PDE4D: variants seen among roughly 807,000 people sequenced by gnomAD.
The protein encoded by PDE4D is phosphodiesterase 4D, also known as 3',5'-cyclic-AMP phosphodiesterase 4D.
Under a neutral mutation model 87.4 loss-of-function variants are expected in PDE4D, and 24 were observed. The observed-to-expected ratio is 0.27, with a 90% confidence interval of 0.20 to 0.39. The LOEUF (loss-of-function observed/expected upper bound fraction) is 0.39. PDE4D is among the 10% of genes least tolerant of loss of function. PDE4D has a pLI of 1.00. For missense variants in PDE4D, 714 were observed against 1,041.0 expected (o/e 0.69, Z 4.32); for synonymous variants, 384 against 383.2 (o/e 1.00, Z -0.02).
rs577930484 is a variant in PDE4D at position 59,342,417 on chromosome 5, C to T, written c.456-126449G>A. ...ATGTTGATATTTTGTGGTCTAGTGG[C>T]TCTTGAGAGAAGACAATTACCTATC... On this transcript the variant is annotated intron_variant, in intron 1 of 14. Transcript: ENST00000340635. Among the ~76,000 whole-genome samples, 21 of 152,240 alleles carry T rather than the reference C, an allele frequency of 1.4e-4. No homozygotes were observed. In the South Asian group the frequency reaches 3.9e-3, roughly 29 times the overall value.
rs148832865 is a variant in PDE4D, at chr5:60,153,475, A to G, written c.42+32082T>C. Among the ~76,000 whole-genome samples the G allele has an allele frequency of 7.1e-3, 1,089 of 152,348 alleles. 10 individuals are homozygous for G. The highest frequency in any genetic ancestry group is 0.025 in the African/African-American group (1,035 of 41,566). On this transcript the variant is annotated intron_variant, in intron 2 of 16. Coordinates refer to the PDE4D transcript ENST00000502484. ...AAAACTGTATGAAGCTTCCTCAAAA[A>G]ATTAAAAATAGAACTACCATATGAT...
At position 58,989,626 on chromosome 5, in the gene PDE4D, C is replaced by T. The variant is rs1029409691; in HGVS notation, c.1452+129G>A. The stretch of plus-strand genomic sequence containing the variant: ...TGTCTATTAACTATAGCATTTTCCC[C>T]CATAAGTCAATAAGTTATACTTCCA... On this transcript the variant is annotated intron_variant, in intron 10 of 14. Coordinates refer to ENST00000340635, the MANE Select transcript of PDE4D (RefSeq NM_001104631.2). The T allele has an allele frequency of 5.2e-6, 3 of 576,942 alleles. No individual in the cohort carries two copies. In the African/African-American group the frequency reaches 5.8e-5, roughly 11 times the overall value. The allele number at this position is 576,942 out of a possible 1,614,324, so 35.7% of individuals were successfully genotyped here.
chr5:59,126,752 G>C (rs1775461017), intron 5 of PDE4D, among the ~76,000 whole-genome samples: 1 of 152,014 alleles, frequency 6.6e-6, no homozygotes, highest in African/African-American at 2.4e-5. Flanking sequence ...ATTCTTTCTA[G>C]TATAACTGAA....
intron 1 of PDE4D, among the ~76,000 whole-genome samples, chr5:59,326,134 G>A (rs1410786424): frequency 2.0e-5 from 3 of 152,050 alleles, no homozygotes; most frequent in Non-Finnish European, 4.4e-5. Context: ...GGAGGAGGGG[G>A]AAGGGATAGC....
chr5:59,907,965 CT>C (rs1451243604), intron 3 of PDE4D, among the ~76,000 whole-genome samples: 2 of 151,984 alleles, frequency 1.3e-5, no homozygotes, highest in Non-Finnish European at 2.9e-5. Context: ...TCCCTCTTCC[CT>C]TTCAGAAGGT....
intron 1 of PDE4D, among the ~76,000 whole-genome samples, chr5:59,867,014 G>A (rs1191639440): frequency 1.3e-5 from 2 of 152,120 alleles, no homozygotes; most frequent in African/African-American, 4.8e-5. Flanking sequence ...TTATAAAGTA[G>A]AAAGTAAAAG....
At chr5:59,631,124 AC>A (rs931285169) in intron 1 of PDE4D, among the ~76,000 whole-genome samples, 2 of 152,210 alleles carry the variant, frequency 1.3e-5, no homozygotes, top group Non-Finnish European at 2.9e-5. Context: ...TGTACCAAGC[AC>A]ATGGCCAATA....
At chr5:60,376,618 A>G (rs1046169150) in intron 1 of PDE4D, among the ~76,000 whole-genome samples, 1 of 152,196 alleles carries the variant, frequency 6.6e-6, no homozygotes, top group African/African-American at 2.4e-5. Flanking sequence ...AAGTCAAGAC[A>G]CTTGCCTGTG....
chr5:59,710,882 A>G lies in PDE4D; in HGVS notation c.455+182286T>C, dbSNP rs192035698. On this transcript the variant is annotated intron_variant, in intron 1 of 14. Coordinates refer to ENST00000340635, the MANE Select transcript of PDE4D (RefSeq NM_001104631.2). Reference sequence around the variant, plus strand: ...GAACCAGGCATACGGTAGGAATTTTACATGGTTTTATATGTGATACTAACA... The same window carrying G: ...GAACCAGGCATACGGTAGGAATTTTGCATGGTTTTATATGTGATACTAACA... 7.8e-3 allele frequency among the ~76,000 whole-genome samples: 1,193 copies of G among 152,308 alleles called. 12 individuals carry two copies. Among genetic ancestry groups the G allele is most frequent in the Non-Finnish European group, 0.012 (795 of 68,008 alleles).
chr5:60,158,465 T>C (rs1782182336), intron 2 of PDE4D, among the ~76,000 whole-genome samples: 1 of 152,202 alleles, frequency 6.6e-6, no homozygotes, highest in Non-Finnish European at 1.5e-5. Flanking sequence ...TTGCTCTGGG[T>C]GAGTCAATGA....
At chr5:59,267,945 C>A (rs1030198498) in intron 1 of PDE4D, among the ~76,000 whole-genome samples, 1 of 152,062 alleles carries the variant, frequency 6.6e-6, no homozygotes, top group Non-Finnish European at 1.5e-5. Flanking sequence ...CAAATGTCCT[C>A]TACACTGAGT....
intron 3 of PDE4D, among the ~76,000 whole-genome samples, chr5:59,960,209 C>T (rs901496294): frequency 6.6e-5 from 10 of 151,896 alleles, no homozygotes; most frequent in Admixed American, 1.3e-4. Context: ...CGGATGTTGG[C>T]GAGACGGTAG....
intron 11 of PDE4D, among the ~76,000 whole-genome samples, chr5:58,980,651 C>G (rs1239219300): frequency 6.6e-6 from 1 of 151,788 alleles, no homozygotes; most frequent in Admixed American, 6.6e-5. Context: ...AGGAAGACCA[C>G]TTTTGTGTCC....
rs140672999 is a variant in PDE4D, at chr5:59,324,609, A to G, written c.456-108641T>C. Among the ~76,000 whole-genome samples the G allele has an allele frequency of 1.1e-3, 169 of 152,254 alleles. 3 individuals carry two copies. The East Asian group carries it at 0.03, about 27-fold the overall frequency. ...TGACTGGCCATAGTTATCTGCATGT[A>G]ATAGGTGGACCTGTGACAGACATCT... On this transcript the variant is annotated intron_variant, in intron 1 of 14. Transcript: ENST00000340635.
At chr5:59,861,688 T>C (rs1204402827) in intron 1 of PDE4D, among the ~76,000 whole-genome samples, 1 of 152,222 alleles carries the variant, frequency 6.6e-6, no homozygotes, top group African/African-American at 2.4e-5. Flanking sequence ...GACAAAAACT[T>C]CACCCTGTGA....
At chr5:59,898,836 G>A (rs904263196) in intron 3 of PDE4D, among the ~76,000 whole-genome samples, 2 of 152,092 alleles carry the variant, frequency 1.3e-5, no homozygotes, top group Non-Finnish European at 2.9e-5. Flanking sequence ...CCTTCTGAGT[G>A]GAGCAGGTTT....
chr5:59,911,044 G>A (rs1315366333), intron 3 of PDE4D, among the ~76,000 whole-genome samples: 1 of 152,218 alleles, frequency 6.6e-6, no homozygotes, highest in African/African-American at 2.4e-5. Context: ...CCTGGGCATA[G>A]GCCAAACTAA....
rs77025103 is a variant in PDE4D at position 60,119,695 on chromosome 5, G to A, written c.42+65862C>T. 7.7e-3 allele frequency among the ~76,000 whole-genome samples: 1,172 copies of A among 152,292 alleles called. 13 individuals are homozygous for A. The highest frequency in any genetic ancestry group is 0.027 in the African/African-American group (1,115 of 41,554). Reference sequence around the variant, plus strand: ...ATAGATATGAAACATATAGGACAATGCCTAACACACATAGTAAGTATATGT... The same window carrying A: ...ATAGATATGAAACATATAGGACAATACCTAACACACATAGTAAGTATATGT... On this transcript the variant is annotated intron_variant, in intron 2 of 16. Transcript: ENST00000502484.
intron 1 of PDE4D, among the ~76,000 whole-genome samples, chr5:59,220,993 C>G (rs1297615800): frequency 6.6e-6 from 1 of 152,042 alleles, no homozygotes; most frequent in Non-Finnish European, 1.5e-5. Flanking sequence ...ACTTCTGGAG[C>G]ACTTTCCATG....
Sources: allele counts gnomAD v4.1 joint callset (sites outside exome capture counted in the v4.1 genomes callset), GRCh38; gene constraint gnomAD v4.1.1; transcripts MANE v1.5; gene names NCBI Gene and HGNC (gene_info 2026-07-23, HGNC 2026-07-21).